Variants in ZMYM6 observed in about 807,000 individuals in gnomAD.
The protein encoded by ZMYM6 is zinc finger MYM-type containing 6.
In ZMYM6, 90 loss-of-function variants were observed where a neutral mutation model predicts 134.0. The ratio of observed to expected loss-of-function variants is 0.67; its 90% CI spans 0.57 to 0.80. ZMYM6 has a LOEUF of 0.80. Ranked by LOEUF, ZMYM6 falls within the 30% of genes least tolerant of loss-of-function variation. The probability of loss-of-function intolerance (pLI) is 0.00; values close to 1 mark genes in which losing one functional copy is unlikely to be tolerated. For missense variants in ZMYM6, 1,362 were observed against 1,533.9 expected (o/e 0.89, Z 1.87); for synonymous variants, 481 against 524.1 (o/e 0.92, Z 1.12).
At chr1:34,989,395 A>C in intron 15 of ZMYM6, 1 of 305,968 alleles carries the variant, frequency 3.3e-6, no homozygotes, top group Non-Finnish European at 4.6e-6. Context: ...AAAAAAGAAG[A>C]AGAAAAAAAA....
intron 2 of ZMYM6, chr1:35,030,040 G>C (rs985676766): frequency 6.5e-6 from 1 of 153,804 alleles, no homozygotes; most frequent in Non-Finnish European, 1.4e-5. Flanking sequence ...CCAGATACAA[G>C]AGAATTTTTT....
intron 15 of ZMYM6, among the ~76,000 whole-genome samples, chr1:34,990,594 A>T (rs962454145): frequency 2.6e-5 from 4 of 152,220 alleles, no homozygotes; most frequent in African/African-American, 9.6e-5. Context: ...CCATTAACAT[A>T]GCTTAACCCA....
rs1329637590 is a variant in ZMYM6, at chr1:35,010,994, G to A, written c.1105C>T (p.Pro369Ser). Residue 369 changes from proline (P) to serine (S), a missense_variant, in exon 9 of 16, where the codon CCC becomes TCC. By Grantham distance (74) the Pro-to-Ser change is moderately conservative. Coordinates refer to ENST00000357182, the MANE Select transcript of ZMYM6 (RefSeq NM_007167.4). ...ACAACCACTTGGCCCTGAGACAGGG[G>A]CACCGCCGAAGAGTTTGTTCCTTTT... ...KPKGTNSSAV[P>S]LSQGQVVVSP... The A allele has an allele frequency of 1.1e-5, 18 of 1,613,900 alleles. No homozygotes were observed. The highest frequency in any genetic ancestry group is 1.5e-5 in the Non-Finnish European group (18 of 1,179,988).
chr1:35,029,020 G>A (rs572548027), intron 2 of ZMYM6, among the ~76,000 whole-genome samples: 29 of 151,400 alleles, frequency 1.9e-4, no homozygotes, highest in African/African-American at 4.8e-4. Flanking sequence ...GTGAAACCCC[G>A]TCTCTACTAA....
At chr1:35,015,218 C>T (rs940058324) in intron 4 of ZMYM6, 56 bp from the exon 5 acceptor site, 1 of 1,462,136 alleles carries the variant, frequency 6.8e-7, no homozygotes, top group Admixed American at 2.5e-5. Context: ...CTGTAACTTC[C>T]TCCTCTTTGT....
At position 35,019,436 on chromosome 1, in the gene ZMYM6, G is replaced by A; in HGVS notation, c.345C>T (p.Phe115=). 2.5e-6 allele frequency: 4 copies of A among 1,614,182 alleles called. No homozygotes were observed. Among genetic ancestry groups the A allele is most frequent in the Non-Finnish European group, 2.5e-6 (3 of 1,180,032 alleles). Residue 115 remains phenylalanine, a synonymous_variant, in exon 4 of 16, where the codon TTC becomes TTT. Coordinates refer to ENST00000357182, the MANE Select transcript of ZMYM6 (RefSeq NM_007167.4). ...AYHKTGSTQL[F]CSTRCITRHS... is the part of the protein sequence containing the mutation. ...GTCTGGTGATGCATCGTGTGGAGCA[G>A]AAGAGCTGAGTAGATCCTGTCTTAT...
At position 35,020,460 on chromosome 1, in the gene ZMYM6, C is replaced by T; in HGVS notation, c.101G>A (p.Gly34Glu). 1 of 1,583,936 alleles carries T rather than the reference C, an allele frequency of 6.3e-7. No individual in the cohort carries two copies. Among genetic ancestry groups the T allele is most frequent in the Non-Finnish European group, 8.5e-7 (1 of 1,173,690 alleles). The part of the protein sequence containing the change: ...KEEPDNAQEY[G>E]CVQQPKTQES... ...TTGAGTTTTTGGCTGTTGGACACAT[C>T]CATACTCCTTTAAAAAAAAAAAGAA... Residue 34 changes from glycine (G) to glutamate (E), a missense_variant, in exon 3 of 16, where the codon GGA becomes GAA. Gly to Glu is a moderately conservative substitution (Grantham distance 98). Coordinates refer to ENST00000357182, the MANE Select transcript of ZMYM6 (RefSeq NM_007167.4).
At chr1:35,007,276 C>T (rs776428758) in intron 11 of ZMYM6, among the ~76,000 whole-genome samples, 178 bp from the exon 12 acceptor site, 5 of 152,038 alleles carry the variant, frequency 3.3e-5, no homozygotes, top group Non-Finnish European at 7.4e-5. Context: ...TATAGATGCC[C>T]TAAATCAAGA....
chr1:35,012,378 C>T (rs963706722), intron 7 of ZMYM6, 53 bp downstream of exon 7: 78 of 1,357,594 alleles, frequency 5.7e-5, no homozygotes, highest in South Asian at 1.2e-4. Context: ...AAAGCAGTTA[C>T]GTTTTTCTTC....
chr1:35,031,374 TC>T (rs1206380963), intron 1 of ZMYM6: 2 of 152,184 alleles, frequency 1.3e-5, no homozygotes, highest in Admixed American at 6.5e-5. Context: ...TTCAGTAAAT[TC>T]CCTTCCCCTA....
At chr1:35,004,660 C>A (rs1640933698) in intron 13 of ZMYM6, among the ~76,000 whole-genome samples, 1 of 151,930 alleles carries the variant, frequency 6.6e-6, no homozygotes. Context: ...CTTCCTTTCC[C>A]ATCCACACCA....
At chr1:35,020,241 G>A in intron 3 of ZMYM6, 142 bp downstream of exon 3, 1 of 611,782 alleles carries the variant, frequency 1.6e-6, no homozygotes, top group South Asian at 2.9e-5. Context: ...TTAAAACGCT[G>A]CTGAAAACCA....
At chr1:35,000,467 G>A (rs1328013734) in intron 14 of ZMYM6, among the ~76,000 whole-genome samples, 2 of 151,104 alleles carry the variant, frequency 1.3e-5, no homozygotes, top group Non-Finnish European at 2.9e-5. Flanking sequence ...TCAAACCCCT[G>A]AGCTCAAGAG....
chr1:35,028,906 A>G (rs1237432795), intron 2 of ZMYM6, among the ~76,000 whole-genome samples: 1 of 151,432 alleles, frequency 6.6e-6, no homozygotes, highest in Non-Finnish European at 1.5e-5. Context: ...AAACCCTACA[A>G]TTGGCCAGGT....
intron 4 of ZMYM6, among the ~76,000 whole-genome samples, chr1:35,016,206 C>G (rs1236583900): frequency 6.6e-6 from 1 of 152,142 alleles, no homozygotes; most frequent in African/African-American, 2.4e-5. Flanking sequence ...GCGTCAGCCT[C>G]CCAAAGTGTT....
chr1:35,030,987 A>C (rs1641512165), intron 1 of ZMYM6, among the ~76,000 whole-genome samples: 1 of 152,260 alleles, frequency 6.6e-6, no homozygotes, highest in Admixed American at 6.5e-5. Flanking sequence ...GAAGGGAATT[A>C]GACCAGCAGA....
intron 10 of ZMYM6, 55 bp downstream of exon 10, chr1:35,010,392 G>A (rs1181230534): frequency 1.3e-6 from 2 of 1,554,428 alleles, no homozygotes; most frequent in African/African-American, 2.8e-5. Context: ...AATTGCCCAA[G>A]TCGTCATGAA....
chr1:35,021,374 A>ACCACTTTGG (rs1641306848), intron 2 of ZMYM6, among the ~76,000 whole-genome samples: 1 of 151,880 alleles, frequency 6.6e-6, no homozygotes, highest in Non-Finnish European at 1.5e-5. Flanking sequence ...GGAACTCCTG[A>ACCACTTTGG]CCTCAGGTGA....
At chr1:34,997,867 C>T (rs1002338035) in intron 14 of ZMYM6, among the ~76,000 whole-genome samples, 2 of 152,092 alleles carry the variant, frequency 1.3e-5, no homozygotes, top group Admixed American at 1.3e-4. Context: ...TTGTGAGGTG[C>T]AAATCTATAT....
Sources: gnomAD v4.1 joint callset for allele counts (sites outside exome capture counted in the v4.1 genomes callset) on GRCh38, gnomAD v4.1.1 for gene constraint, MANE v1.5 for transcripts, NCBI Gene and HGNC (gene_info 2026-07-23, HGNC 2026-07-21) for gene names.